Variants in NAV2 observed in about 807,000 individuals in gnomAD.
NAV2 encodes neuron navigator 2.
A neutral mutation model predicts 223.2 loss-of-function variants in NAV2; 54 were observed. The ratio of observed to expected loss-of-function variants is 0.24; its 90% confidence interval spans 0.19 to 0.30. NAV2 has a LOEUF of 0.30. Ranked by LOEUF, NAV2 falls within the 10% of genes least tolerant of loss-of-function variation. The pLI, the probability that NAV2 is intolerant of heterozygous loss-of-function variation, is 1.00. For synonymous variants in NAV2, 1,279 were observed against 1,239.3 expected (o/e 1.03, Z -0.67); for missense variants, 2,806 against 3,147.5 (o/e 0.89, Z 2.60).
intron 29 of NAV2, among the ~76,000 whole-genome samples, chr11:20,093,710 A>G (rs923815333): frequency 7.3e-5 from 11 of 151,690 alleles, no homozygotes; most frequent in Admixed American, 7.2e-4. Flanking sequence ...GGGCGTCCTG[A>G]CTCCCCAAGG....
At chr11:19,378,251 C>T (rs1848709411) in intron 1 of NAV2, among the ~76,000 whole-genome samples, 1 of 152,184 alleles carries the variant, frequency 6.6e-6, no homozygotes, top group Non-Finnish European at 1.5e-5. Context: ...TTCAGGCAAG[C>T]AGAAAACAAG....
chr11:19,359,273 G>C (rs1485123167), intron 1 of NAV2, among the ~76,000 whole-genome samples: 1 of 152,152 alleles, frequency 6.6e-6, no homozygotes, highest in Non-Finnish European at 1.5e-5. Context: ...TATGCGTGTG[G>C]GGATTCATAA....
chr11:19,470,074 G>A (rs942569215), intron 1 of NAV2, among the ~76,000 whole-genome samples: 2 of 152,254 alleles, frequency 1.3e-5, no homozygotes, highest in African/African-American at 2.4e-5. Flanking sequence ...GGCTGAGGTA[G>A]GGGTGGAAGA....
intron 6 of NAV2, among the ~76,000 whole-genome samples, chr11:19,896,934 A>C (rs977946481): frequency 6.6e-6 from 1 of 152,084 alleles, no homozygotes; most frequent in African/African-American, 2.4e-5. Flanking sequence ...ACATGCACAC[A>C]TATGTTTATT....
Position 20,114,771 on chromosome 11 carries a change from C to T in NAV2, c.7140C>T (p.Pro2380=), listed in dbSNP as rs966848323. 1.6e-5 allele frequency: 26 copies of T among 1,613,682 alleles called. No homozygotes were observed. The highest frequency in any genetic ancestry group is 4.5e-5 in the East Asian group (2 of 44,842). The change falls in exon 37 of 38, where the codon CCC becomes CCT. Residue 2380 remains proline, a synonymous_variant. Coordinates refer to ENST00000349880, the MANE Select transcript of NAV2 (RefSeq NM_145117.5). ...REGSTSKQMP[P]SDAEGDPLMN... ...GATCGACAAGCAAGCAGATGCCCCC[C>T]AGTGATGCTGAAGGTGACCCGCTGG...
At chr11:19,801,148 T>G (rs2058225985) in intron 1 of NAV2, among the ~76,000 whole-genome samples, 1 of 152,224 alleles carries the variant, frequency 6.6e-6, no homozygotes, top group African/African-American at 2.4e-5. Flanking sequence ...TGAGTCAGCT[T>G]TGATCAGGGA....
At chr11:20,072,327 T>G (rs932840060) in intron 22 of NAV2, among the ~76,000 whole-genome samples, 2 of 152,204 alleles carry the variant, frequency 1.3e-5, no homozygotes, top group African/African-American at 4.8e-5. Context: ...ACCATGCTGT[T>G]TTGGTTACTG....
chr11:19,595,286 G>A (rs1461782426), intron 1 of NAV2, among the ~76,000 whole-genome samples: 1 of 152,178 alleles, frequency 6.6e-6, no homozygotes, highest in East Asian at 1.9e-4. Context: ...ATCCTCAGGA[G>A]AAAGACTCAG....
At chr11:19,819,212 G>A (rs1474036224) in intron 1 of NAV2, among the ~76,000 whole-genome samples, 1 of 152,194 alleles carries the variant, frequency 6.6e-6, no homozygotes, top group Non-Finnish European at 1.5e-5. Flanking sequence ...AGTTACAACA[G>A]CCAGGATAAA....
intron 1 of NAV2, among the ~76,000 whole-genome samples, chr11:19,412,565 G>A (rs543289526): frequency 2.0e-5 from 3 of 152,042 alleles, no homozygotes; most frequent in South Asian, 2.1e-4. Flanking sequence ...CACAGCAATC[G>A]AGCTCTGCTA....
At chr11:19,615,465 C>T (rs866021761) in intron 1 of NAV2, among the ~76,000 whole-genome samples, 15 of 151,686 alleles carry the variant, frequency 9.9e-5, no homozygotes, top group Admixed American at 5.3e-4. Flanking sequence ...CACTGTTTTG[C>T]GTTTATTATT....
chr11:19,716,391 T>C (rs1425224), intron 1 of NAV2, among the ~76,000 whole-genome samples: 9,363 of 152,224 alleles, frequency 0.062, 906 homozygotes, highest in African/African-American at 0.21. Flanking sequence ...TGAACAACCA[T>C]TAGAGTTGTG....
At chr11:19,856,495 G>A (rs1038822257) in intron 3 of NAV2, among the ~76,000 whole-genome samples, 3 of 152,050 alleles carry the variant, frequency 2.0e-5, no homozygotes, top group African/African-American at 4.8e-5. Context: ...ATATATTCAC[G>A]ATCATCAGTG....
intron 1 of NAV2, among the ~76,000 whole-genome samples, chr11:19,623,729 A>T (rs1007329129): frequency 5.9e-5 from 9 of 152,130 alleles, no homozygotes; most frequent in African/African-American, 2.2e-4. Flanking sequence ...TTTAGCTTGG[A>T]GAAATTTGAT....
At chr11:20,082,653 T>G (rs1374668623) in intron 25 of NAV2, 27 of 1,542,382 alleles carry the variant, frequency 1.8e-5, no homozygotes, top group Non-Finnish European at 2.2e-5. Flanking sequence ...TCCATTGATA[T>G]GACTAACCTC....
intron 1 of NAV2, among the ~76,000 whole-genome samples, chr11:19,697,807 G>T (rs1167995165): frequency 6.6e-6 from 1 of 152,208 alleles, no homozygotes; most frequent in South Asian, 2.1e-4. Context: ...TGCTTGTGAT[G>T]GCAATTGGCT....
intron 25 of NAV2, among the ~76,000 whole-genome samples, chr11:20,080,734 G>A (rs186497205): frequency 6.1e-4 from 93 of 152,300 alleles, no homozygotes; most frequent in Admixed American, 9.2e-4. Flanking sequence ...AAGTTAGCAA[G>A]TAGTTCTAAA....
At chr11:19,991,892 C>T (rs553015611) in intron 11 of NAV2, among the ~76,000 whole-genome samples, 1 of 152,156 alleles carries the variant, frequency 6.6e-6, no homozygotes, top group Non-Finnish European at 1.5e-5. Context: ...ACCTCTCATT[C>T]CCAGCCCTTC....
At chr11:20,082,211 G>T (rs553140568) in intron 25 of NAV2, among the ~76,000 whole-genome samples, 8 of 152,266 alleles carry the variant, frequency 5.3e-5, no homozygotes, top group African/African-American at 1.9e-4. Context: ...AGTGAAGCTA[G>T]AATTGCTCAA....
Sources: gnomAD v4.1 joint callset for allele counts (sites outside exome capture counted in the v4.1 genomes callset) on GRCh38, gnomAD v4.1.1 for gene constraint, MANE v1.5 for transcripts, NCBI Gene and HGNC (gene_info 2026-07-23, HGNC 2026-07-21) for gene names.